The following GLA variants were observed in gnomAD, a reference collection of about 807,000 sequenced individuals.
GLA encodes the protein alpha-galactosidase A.
A neutral mutation model predicts 28.2 loss-of-function variants in GLA; 4 were observed. The ratio of observed to expected loss-of-function variants is 0.14; its 90% CI spans 0.07 to 0.32. The LOEUF (loss-of-function observed/expected upper bound fraction) is 0.32. GLA is among the 10% of genes least tolerant of loss of function. The pLI is 1.00. For synonymous variants in GLA, 94 were observed against 113.0 expected, an observed-to-expected ratio of 0.83 and a Z score of 1.07; for missense variants, 203 against 323.7, an observed-to-expected ratio of 0.63 and a Z score of 2.86.
At chrX:101,400,214 T>TA (rs782361132) in intron 4 of GLA, among the ~76,000 whole-genome samples, 4,038 of 107,394 alleles carry the variant, frequency 0.038, 209 homozygotes, top group African/African-American at 0.13. Flanking sequence ...TTTTTTTCTT[T>TA]AAAAAAAAAA....
intron 1 of GLA, among the ~76,000 whole-genome samples, chrX:101,405,476 T>A (rs1928473119): frequency 9.0e-6 from 1 of 111,696 alleles, no homozygotes; most frequent in Non-Finnish European, 1.9e-5. Flanking sequence ...AAGAAACGTA[T>A]ATACTGTATT....
chrX:101,398,575 A>C lies in GLA; in HGVS notation c.802-8T>G. 8.4e-7 allele frequency: 1 copy of C among 1,189,753 alleles called. No homozygotes were observed. The highest frequency in any genetic ancestry group is 1.1e-6 in the Non-Finnish European group (1 of 875,660). On this transcript the variant is annotated splice_region_variant and splice_polypyrimidine_tract_variant and intron_variant, in intron 5 of 6. Transcript: ENST00000218516. ...AAAGTTGCCAATCACTAACTGAGAA[A>C]AAGAATGAAATAATTCAAACAAGAG...
chrX:101,405,811 A>G (rs1555986656), intron 1 of GLA, among the ~76,000 whole-genome samples: 1 of 108,546 alleles, frequency 9.2e-6, no homozygotes, highest in African/African-American at 3.4e-5. Context: ...CCAGCTACTC[A>G]GGAGACTACG....
intron 1 of GLA, among the ~76,000 whole-genome samples, chrX:101,406,088 T>C (rs1216078286): frequency 2.0e-5 from 2 of 97,665 alleles, no homozygotes; most frequent in Non-Finnish European, 4.0e-5. Context: ...GGCAGGCGCC[T>C]GTAGTCCCAG....
chrX:101,401,080 C>G (rs1432540330), intron 3 of GLA, among the ~76,000 whole-genome samples: 1 of 111,298 alleles, frequency 9.0e-6, no homozygotes, highest in African/African-American at 3.3e-5. Flanking sequence ...AAGTAATCCA[C>G]CCGCCTCAGC....
chrX:101,407,805 G>T lies in GLA; in HGVS notation c.99C>A (p.Asp33Glu). The stretch of plus-strand genomic sequence containing the variant: ...TGGTAGGCGTCCTTGCCAATCCATT[G>T]TCCAGTGCTCTAGCCCCAGGGATGT... ...SWDIPGARAL[D>E]NGLARTPTMG... is the part of the protein sequence containing the mutation. Residue 33 changes from aspartate (D) to glutamate (E), a missense_variant, in exon 1 of 7, where the codon GAC (aspartate) becomes GAA (glutamate). Coordinates refer to ENST00000218516, the MANE Select transcript of GLA (RefSeq NM_000169.3). 8.3e-7 allele frequency: 1 copy of T among 1,210,578 alleles called. No homozygotes were observed. The highest frequency in any genetic ancestry group is 1.1e-6 in the Non-Finnish European group (1 of 894,234).
At chrX:101,404,566 CTTTTTT>C (rs1171364737) in intron 1 of GLA, among the ~76,000 whole-genome samples, 1 of 79,216 alleles carries the variant, frequency 1.3e-5, no homozygotes, top group African/African-American at 5.3e-5. Context: ...TCCTTTTTAT[CTTTTTT>C]TTTTTTTTTT....
rs797044749 is a variant in GLA at position 101,398,891 on chromosome X, A to G, written c.695T>C (p.Ile232Thr). 8.3e-7 allele frequency: 1 copy of G among 1,208,033 alleles called. No homozygotes were observed. Among genetic ancestry groups the G allele is most frequent in the Non-Finnish European group, 1.1e-6 (1 of 892,239 alleles). ...YCNHWRNFAD[I>T]DDSWKSIKSI... ...CTTTATACTTTTCCAGGAATCATCA[A>G]TGTCAGCAAAATTTCGCCAGTGATT... Residue 232 changes from isoleucine to threonine, a missense_variant, in exon 5 of 7, where the codon ATT becomes ACT. Physicochemically the swap from Ile to Thr is moderately conservative, Grantham distance 89. This residue lies in a region of GLA where 162 missense variants were observed against 246.8 expected (regional missense o/e 0.66). Coordinates refer to ENST00000218516, the MANE Select transcript of GLA (RefSeq NM_000169.3).
intron 1 of GLA, among the ~76,000 whole-genome samples, chrX:101,406,545 A>AT (rs1235844160): frequency 1.8e-5 from 2 of 111,593 alleles, no homozygotes; most frequent in African/African-American, 6.6e-5. Context: ...GCAAATACCA[A>AT]TAAAAAAAAA....
At chrX:101,399,561 C>CA (rs1458336220) in intron 4 of GLA, among the ~76,000 whole-genome samples, 3 of 108,026 alleles carry the variant, frequency 2.8e-5, no homozygotes, top group South Asian at 3.8e-4. Flanking sequence ...GACTCTGTCG[C>CA]AAAAAAAAAG....
chrX:101,404,773 T>C (rs782788869), intron 1 of GLA, among the ~76,000 whole-genome samples: 1 of 109,580 alleles, frequency 9.1e-6, no homozygotes, highest in East Asian at 2.9e-4. Context: ...TTTTGCATTT[T>C]GGCTAGGCTA....
intron 1 of GLA, among the ~76,000 whole-genome samples, chrX:101,405,236 CA>C (rs11448515): frequency 0.041 from 1,442 of 35,493 alleles, 17 homozygotes; most frequent in African/African-American, 0.11. Flanking sequence ...AACTCCAGCT[CA>C]AAAAAAAAAA....
rs398123202 is a variant in GLA, at chrX:101,407,772, C to T, written c.132G>A (p.Trp44Ter). The change falls in exon 1 of 7, where the codon TGG becomes TGA. Residue 44 changes from tryptophan to a stop codon, truncating the protein, a stop_gained. Coordinates refer to ENST00000218516, the MANE Select transcript of GLA (RefSeq NM_000169.3). LOFTEE classifies it high-confidence loss of function. ...NGLARTPTMGWLHWERFMCNL... is the reference protein window; with the variant it reads ...NGLARTPTMG The stretch of plus-strand genomic sequence containing the variant: ...TGCACATGAAGCGCTCCCAGTGCAG[C>T]CAGCCCATGGTAGGCGTCCTTGCCA... The T allele has an allele frequency of 8.3e-7, 1 of 1,211,649 alleles. No individual in the cohort carries two copies. The highest frequency in any genetic ancestry group is 1.1e-6 in the Non-Finnish European group (1 of 895,168).
chrX:101,401,920 A>G (rs869312284), intron 2 of GLA, 111 bp from the exon 3 acceptor site: 2 of 727,393 alleles, frequency 2.7e-6, no homozygotes, highest in East Asian at 3.2e-5. Flanking sequence ...TTCACCAGGT[A>G]TTGGGGGCTT....
intron 2 of GLA, among the ~76,000 whole-genome samples, chrX:101,403,028 G>T (rs781867404): frequency 9.1e-6 from 1 of 110,414 alleles, no homozygotes; most frequent in Non-Finnish European, 1.9e-5. Flanking sequence ...GGCTAGGCGC[G>T]GTGGCTCATG....
At chrX:101,402,855 T>C (rs1928364916) in intron 2 of GLA, among the ~76,000 whole-genome samples, 1 of 112,263 alleles carries the variant, frequency 8.9e-6, no homozygotes, top group Non-Finnish European at 1.9e-5. Context: ...TCTTCTAAAA[T>C]TCTAGTTTAT....
In GLA at chrX:101,398,378, G is replaced by A. The variant is rs730880437; in HGVS notation, c.991C>T (p.Leu331Phe). The change falls in exon 6 of 7, where the codon CTT becomes TTT. Residue 331 changes from leucine (L) to phenylalanine (F), a missense_variant. Leu to Phe is a conservative substitution (Grantham distance 22). Around this residue, in one of 3 missense-constraint regions of GLA, gnomAD observed 162 missense variants for 246.8 expected, o/e 0.66. Coordinates refer to ENST00000218516, the MANE Select transcript of GLA (RefSeq NM_000169.3). ...QDPLGKQGYQ[L>F]RQGDNFEVWE... ...TATATACTCTTATTTACCTGTCTAAGCTGGTACCCTTGCTTGCCCAAGGGG... is the reference window on the plus strand; with the variant it reads ...TATATACTCTTATTTACCTGTCTAAACTGGTACCCTTGCTTGCCCAAGGGG... 10 of 1,194,896 alleles carry A rather than the reference G, an allele frequency of 8.4e-6. No homozygotes were observed. Among genetic ancestry groups the A allele is most frequent in the Non-Finnish European group, 1.1e-5 (10 of 881,641 alleles).
intron 2 of GLA, 60 bp from the exon 3 acceptor site, chrX:101,401,869 AAG>A (rs1928331056): frequency 8.6e-6 from 9 of 1,045,071 alleles, no homozygotes; most frequent in Non-Finnish European, 1.2e-5. Flanking sequence ...AGGTAGCAGA[AAG>A]AGAGAACCAT....
chrX:101,401,719 T>C lies in GLA; in HGVS notation c.460A>G (p.Ile154Val). Residue 154 changes from isoleucine (I) to valine (V), a missense_variant, in exon 3 of 7, where the codon ATT becomes GTT. Transcript: ENST00000218516. ...GFPGSFGYYD[I>V]DAQTFADWGV... ...CAGTCAGCAAAGGTCTGGGCATCAA[T>C]GTCGTAGTATCCAAAACTCCCAGGG... 1 of 1,208,150 alleles carries C rather than the reference T, an allele frequency of 8.3e-7. No homozygotes were observed. The highest frequency in any genetic ancestry group is 1.1e-6 in the Non-Finnish European group (1 of 892,130).
Sources: gnomAD v4.1 joint callset for allele counts (sites outside exome capture counted in the v4.1 genomes callset) on GRCh38, gnomAD v4.1.1 for gene constraint, gnomAD v4.1.1 regional missense constraint, MANE v1.5 for transcripts, NCBI Gene and HGNC (gene_info 2026-07-23, HGNC 2026-07-21) for gene names.